The following RRP12 variants were observed in gnomAD, a reference collection of about 807,000 sequenced individuals.
RRP12 encodes ribosomal RNA processing 12 homolog.
In RRP12, 78 loss-of-function variants were observed where a neutral mutation model predicts 157.3. The observed-to-expected ratio is 0.50, with a 90% CI of 0.41 to 0.60. The LOEUF (loss-of-function observed/expected upper bound fraction) is 0.60. Ranked by LOEUF, RRP12 falls within the 20% of genes least tolerant of loss-of-function variation. The pLI, the probability that RRP12 is intolerant of heterozygous loss-of-function variation, is 0.00. For missense variants in RRP12, 1,521 were observed against 1,679.9 expected, an observed-to-expected ratio of 0.91 and a Z score of 1.65; for synonymous variants, 726 against 670.9, an observed-to-expected ratio of 1.08 and a Z score of -1.27.
intron 2 of RRP12, among the ~76,000 whole-genome samples, chr10:97,399,130 G>A (rs911620270): frequency 2.6e-4 from 39 of 151,904 alleles, no homozygotes; most frequent in African/African-American, 7.3e-4. Context: ...AAAATTAGCC[G>A]GGCATGGTGG....
intron 15 of RRP12, among the ~76,000 whole-genome samples, chr10:97,378,584 C>T (rs1457167895): frequency 6.6e-6 from 1 of 152,090 alleles, no homozygotes; most frequent in African/African-American, 2.4e-5. Context: ...TGGCTGGGCA[C>T]GGTGGCTCAC....
At chr10:97,381,573 G>C in intron 11 of RRP12, 90 bp from the exon 12 acceptor site, 2 of 1,255,518 alleles carry the variant, frequency 1.6e-6, no homozygotes, top group Non-Finnish European at 2.2e-6. Context: ...GGGAGTCTAA[G>C]AAAGCTTCGA....
At chr10:97,394,458 T>G (rs1036836071) in intron 3 of RRP12, among the ~76,000 whole-genome samples, 8 of 152,182 alleles carry the variant, frequency 5.3e-5, no homozygotes, top group Non-Finnish European at 1.2e-4. Context: ...GGTATAATCA[T>G]AGCTCACTGT....
chr10:97,368,038 T>C, intron 25 of RRP12, among the ~76,000 whole-genome samples: 1 of 147,598 alleles, frequency 6.8e-6, no homozygotes, highest in East Asian at 2.0e-4. Flanking sequence ...GGCTTTTTTT[T>C]TTTTTTTTTT....
intron 14 of RRP12, 89 bp from the exon 15 acceptor site, chr10:97,379,503 C>A: frequency 6.3e-7 from 1 of 1,592,250 alleles, no homozygotes; most frequent in Non-Finnish European, 8.6e-7. Flanking sequence ...CAGAGTAAGA[C>A]CTCCTCTGGC....
intron 30 of RRP12, 83 bp from the exon 31 acceptor site, chr10:97,360,701 C>G: frequency 9.8e-7 from 1 of 1,024,038 alleles, no homozygotes; most frequent in South Asian, 1.3e-5. Flanking sequence ...AGCAGAGTAC[C>G]CTGCATCAAG....
intron 10 of RRP12, among the ~76,000 whole-genome samples, 171 bp from the exon 11 acceptor site, chr10:97,381,997 G>C (rs537000117): frequency 1.6e-3 from 237 of 152,320 alleles, no homozygotes; most frequent in African/African-American, 5.5e-3. Flanking sequence ...TATCGTTCAA[G>C]TAATAACTAC....
intron 6 of RRP12, among the ~76,000 whole-genome samples, chr10:97,390,179 G>A (rs1275953546): frequency 1.3e-5 from 2 of 152,168 alleles, no homozygotes; most frequent in East Asian, 1.9e-4. Context: ...GAGAGTCCAC[G>A]TCAACAGGGC....
At chr10:97,396,443 C>T (rs1844967866) in intron 2 of RRP12, 142 bp from the exon 3 acceptor site, 2 of 657,408 alleles carry the variant, frequency 3.0e-6, no homozygotes, top group East Asian at 5.7e-5. Flanking sequence ...GGCCTAGGTC[C>T]ATACCAGGGG....
In RRP12 at chr10:97,381,767, CA is replaced by C; in HGVS notation, c.1267del (p.Cys423AlafsTer10). The C allele has an allele frequency of 6.2e-7, 1 of 1,614,118 alleles. No homozygotes were observed. Among genetic ancestry groups the C allele is most frequent in the Non-Finnish European group, 8.5e-7 (1 of 1,180,000 alleles). ...CACTTGCGAGTGTGGGGAAAGGAGG[CA>C]GGTCACCGCAGTTCCAAAAAAGCGA... ...LPRFFGTAVT[C>X]LLSPHSQVLT... is the part of the protein sequence containing the mutation. On this transcript the variant is annotated frameshift_variant, in exon 11 of 34. Transcript: ENST00000370992. LOFTEE classifies it high-confidence loss of function.
In RRP12 at chr10:97,398,006, CATATATATATATATATGT is replaced by C. The variant is rs1342131517; in HGVS notation, c.370-1723_370-1706del. Among the ~76,000 whole-genome samples, 3 of 47,188 alleles carry C rather than the reference CATATATATATATATATGT, an allele frequency of 6.4e-5. 1 individual carries two copies. The highest frequency in any genetic ancestry group is 1.2e-4 in the Non-Finnish European group (3 of 24,076). 31.0% of individuals were successfully genotyped at this position (47,188 alleles called of 152,430 possible). On this transcript the variant is annotated intron_variant, in intron 2 of 33. Coordinates refer to ENST00000370992, the MANE Select transcript of RRP12 (RefSeq NM_015179.4). The stretch of plus-strand genomic sequence containing the variant: ...AAAAAAAAATACGTATATATATATA[CATATATATATATATATGT>C]ATATATATATACGTATTTTTTTTTT...
At chr10:97,361,433 T>C (rs1054883852) in intron 30 of RRP12, among the ~76,000 whole-genome samples, 7 of 152,168 alleles carry the variant, frequency 4.6e-5, no homozygotes, top group Admixed American at 6.5e-5. Context: ...CCCTGCACTG[T>C]GGTCTGTGCC....
chr10:97,384,502 G>A (rs897575630), intron 10 of RRP12, among the ~76,000 whole-genome samples: 1 of 147,942 alleles, frequency 6.8e-6, no homozygotes, highest in Non-Finnish European at 1.5e-5. Flanking sequence ...AGCCTGGACA[G>A]AGGCCCTGAG....
chr10:97,400,786 A>G (rs1443648925), intron 1 of RRP12, among the ~76,000 whole-genome samples: 2 of 152,202 alleles, frequency 1.3e-5, no homozygotes, highest in Non-Finnish European at 2.9e-5. Flanking sequence ...TGGGAGCTAC[A>G]TTCAGAGGGC....
chr10:97,362,323 C>T lies in RRP12; in HGVS notation c.3567+1531G>A, dbSNP rs1204298348. On this transcript the variant is annotated intron_variant, in intron 30 of 33. Coordinates refer to ENST00000370992, the MANE Select transcript of RRP12 (RefSeq NM_015179.4). ...CCGGCCAGGGAGAGGAGTAGGCTGC[C>T]GAGGATCTGCAAAGCCACATGTGAA... Among the ~76,000 whole-genome samples, 6 of 152,088 alleles carry T rather than the reference C, an allele frequency of 3.9e-5. No homozygotes were observed. In the East Asian group the frequency reaches 9.7e-4, roughly 24 times the overall value.
chr10:97,372,108 T>C lies in RRP12; in HGVS notation c.2308A>G (p.Ser770Gly). 6.2e-7 allele frequency: 1 copy of C among 1,613,632 alleles called. No individual in the cohort carries two copies. Among genetic ancestry groups the C allele is most frequent in the Non-Finnish European group, 8.5e-7 (1 of 1,179,802 alleles). ...GGCCGGATGGTGGAGTATAGCTTAC[T>C]GATGGCAGCTTCGTCAGCACACGGA... ...LAPCADEAAI[S>G]KLYSTIRPYL... Residue 770 changes from serine to glycine, a missense_variant, in exon 20 of 34, where the codon AGT (serine) becomes GGT (glycine). By Grantham distance (56) the Ser-to-Gly change is moderately conservative. Transcript: ENST00000370992.
In RRP12 at chr10:97,362,545, T is replaced by A. The variant is rs530017486; in HGVS notation, c.3567+1309A>T. On this transcript the variant is annotated intron_variant, in intron 30 of 33. Coordinates refer to ENST00000370992, the MANE Select transcript of RRP12 (RefSeq NM_015179.4). ...CATCACCTGGAGAGGGAGACTAGACTGGCCTGAGGGTGGCCTCTCGGAGGG... is the reference window on the plus strand; with the variant it reads ...CATCACCTGGAGAGGGAGACTAGACAGGCCTGAGGGTGGCCTCTCGGAGGG... Among the ~76,000 whole-genome samples the A allele has an allele frequency of 4.8e-4, 73 of 152,038 alleles. No individual in the cohort carries two copies. In the Middle Eastern group the frequency reaches 0.02, roughly 43 times the overall value.
chr10:97,388,197 C>A (rs1844691565), intron 8 of RRP12, 55 bp downstream of exon 8: 1 of 1,609,434 alleles, frequency 6.2e-7, no homozygotes, highest in Non-Finnish European at 8.5e-7. Context: ...CAGTGAGTTC[C>A]CCAAATGCCA....
chr10:97,398,039 A>ATATATATATATGTATT (rs1436494245), intron 2 of RRP12, among the ~76,000 whole-genome samples: 72 of 56,030 alleles, frequency 1.3e-3, no homozygotes, highest in Non-Finnish European at 2.2e-3. Flanking sequence ...ATATATACGT[A>ATATATATATATGTATT]TTTTTTTTTT....
Sources: gnomAD v4.1 joint callset for allele counts (sites outside exome capture counted in the v4.1 genomes callset) on GRCh38, gnomAD v4.1.1 for gene constraint, MANE v1.5 for transcripts, NCBI Gene and HGNC (gene_info 2026-07-23, HGNC 2026-07-21) for gene names.